NALF1: variants seen among roughly 807,000 people sequenced by gnomAD.
NALF1 encodes the protein NALCN channel auxiliary factor 1, also known as family with sequence similarity 155 member A.
Under a neutral mutation model 48.4 loss-of-function variants are expected in NALF1, and 3 were observed. The ratio of observed to expected loss-of-function variants is 0.06; its 90% confidence interval spans 0.03 to 0.16. NALF1 has a LOEUF of 0.16. Ranked by LOEUF, NALF1 falls within the 10% of genes least tolerant of loss-of-function variation. NALF1 has a pLI of 1.00. For missense variants in NALF1, 526 were observed against 571.5 expected (o/e 0.92, Z 0.81); for synonymous variants, 262 against 245.7 (o/e 1.07, Z -0.62).
chr13:107,167,841 TC>T lies in NALF1; in HGVS notation c.*2655del, dbSNP rs1319882756. The T allele has an allele frequency of 6.6e-6, 1 of 152,202 alleles. No individual in the cohort carries two copies. Among genetic ancestry groups the T allele is most frequent in the East Asian group, 1.9e-4 (1 of 5,182 alleles). The allele number at this position is 152,202 out of a possible 1,614,324, so 9.4% of individuals were successfully genotyped here. A position where few individuals can be genotyped will look rare whatever the true frequency, so the allele number is the denominator to read the frequency against. The stretch of plus-strand genomic sequence containing the variant: ...TTTCCACCTTTTGGTTGGCATTATC[TC>T]CAAACAAACGCTAAAACACGGGTAA... On this transcript the variant is annotated 3_prime_UTR_variant, in exon 3 of 3. Coordinates refer to ENST00000375915, the MANE Select transcript of NALF1 (RefSeq NM_001080396.3).
chr13:107,539,085 A>G (rs1045321215), intron 1 of NALF1, among the ~76,000 whole-genome samples: 2 of 151,444 alleles, frequency 1.3e-5, no homozygotes, highest in Non-Finnish European at 2.9e-5. Flanking sequence ...TTTTTAATAC[A>G]TCACTGGAAT....
intron 1 of NALF1, among the ~76,000 whole-genome samples, chr13:107,718,716 A>C (rs928328625): frequency 3.5e-4 from 53 of 152,198 alleles, no homozygotes; most frequent in Admixed American, 3.1e-3. Flanking sequence ...TTACTCAACA[A>C]ATACTTATTT....
At chr13:107,645,938 T>C (rs1369042630) in intron 1 of NALF1, among the ~76,000 whole-genome samples, 2 of 152,188 alleles carry the variant, frequency 1.3e-5, no homozygotes, top group Non-Finnish European at 2.9e-5. Context: ...ATGCTCGTTC[T>C]GACTCTTGGT....
At chr13:107,783,478 A>G (rs1359162708) in intron 1 of NALF1, among the ~76,000 whole-genome samples, 1 of 152,170 alleles carries the variant, frequency 6.6e-6, no homozygotes, top group African/African-American at 2.4e-5. Flanking sequence ...CTGTGTAGAA[A>G]GAAGTAGACA....
At chr13:107,436,041 A>G (rs867026029) in intron 1 of NALF1, among the ~76,000 whole-genome samples, 12 of 152,182 alleles carry the variant, frequency 7.9e-5, no homozygotes, top group South Asian at 2.1e-4. Context: ...ATCTTTATAA[A>G]ATCACTAGGT....
intron 1 of NALF1, among the ~76,000 whole-genome samples, chr13:107,222,635 T>C (rs528234563): frequency 1.4e-4 from 21 of 152,354 alleles, no homozygotes; most frequent in Non-Finnish European, 2.8e-4. Flanking sequence ...AAATAAATTA[T>C]GTAAATTGTC....
chr13:107,517,562 G>A (rs1349004705), intron 1 of NALF1, among the ~76,000 whole-genome samples: 1 of 152,120 alleles, frequency 6.6e-6, no homozygotes. Context: ...AACCTGGGAG[G>A]CGGAGGTTGC....
chr13:107,804,989 A>G (rs1385076897), intron 1 of NALF1, among the ~76,000 whole-genome samples: 2 of 152,192 alleles, frequency 1.3e-5, no homozygotes, highest in Non-Finnish European at 2.9e-5. Flanking sequence ...ATTGAAGACA[A>G]TAACATGCAT....
At chr13:107,595,181 C>T (rs979840698) in intron 1 of NALF1, among the ~76,000 whole-genome samples, 1 of 152,100 alleles carries the variant, frequency 6.6e-6, no homozygotes, top group African/African-American at 2.4e-5. Context: ...TTTAAATCAA[C>T]ACTTTCAACC....
chr13:107,611,769 A>G, intron 1 of NALF1, among the ~76,000 whole-genome samples: 1 of 151,292 alleles, frequency 6.6e-6, no homozygotes, highest in East Asian at 2.0e-4. Flanking sequence ...AAAGAGAACA[A>G]AAAATTAGCA....
At chr13:107,745,917 T>C (rs750815275) in intron 1 of NALF1, among the ~76,000 whole-genome samples, 2 of 152,174 alleles carry the variant, frequency 1.3e-5, no homozygotes, top group Non-Finnish European at 2.9e-5. Flanking sequence ...TGTGACAATA[T>C]GTCTGGGTTC....
At chr13:107,854,455 G>A (rs894957308) in intron 1 of NALF1, among the ~76,000 whole-genome samples, 7 of 152,326 alleles carry the variant, frequency 4.6e-5, no homozygotes, top group African/African-American at 1.2e-4. Context: ...GGAGATACCC[G>A]ATTTTAAATG....
chr13:107,575,244 G>GA (rs975497230), intron 1 of NALF1, among the ~76,000 whole-genome samples: 2 of 151,934 alleles, frequency 1.3e-5, no homozygotes, highest in African/African-American at 2.4e-5. Flanking sequence ...GAGTTCAGGG[G>GA]AAAAAAACAG....
intron 1 of NALF1, among the ~76,000 whole-genome samples, chr13:107,534,584 G>A (rs774061118): frequency 6.6e-5 from 10 of 152,114 alleles, no homozygotes; most frequent in Non-Finnish European, 1.5e-4. Flanking sequence ...TAAGTATTAA[G>A]CCTGGAATGT....
chr13:107,800,707 A>C (rs1878587068), intron 1 of NALF1, among the ~76,000 whole-genome samples: 1 of 147,656 alleles, frequency 6.8e-6, no homozygotes, highest in African/African-American at 2.5e-5. Flanking sequence ...TATGTATCAT[A>C]TAATACATAT....
intron 1 of NALF1, among the ~76,000 whole-genome samples, chr13:107,655,019 A>G (rs1880540144): frequency 6.6e-6 from 1 of 152,176 alleles, no homozygotes; most frequent in Admixed American, 6.5e-5. Flanking sequence ...AGAGTCATCT[A>G]CGACAAACCC....
chr13:107,182,122 T>C (rs936005934), intron 2 of NALF1, among the ~76,000 whole-genome samples: 15 of 152,330 alleles, frequency 9.8e-5, no homozygotes, highest in African/African-American at 3.6e-4. Flanking sequence ...GTCCCTACTT[T>C]CGTCATCGCC....
intron 1 of NALF1, among the ~76,000 whole-genome samples, chr13:107,732,997 A>G (rs536146145): frequency 2.6e-5 from 4 of 152,176 alleles, no homozygotes; most frequent in Non-Finnish European, 5.9e-5. Context: ...GTGGGTAAAC[A>G]TATTGTGCTA....
chr13:107,531,845 A>G (rs1174806012), intron 1 of NALF1, among the ~76,000 whole-genome samples: 2 of 152,052 alleles, frequency 1.3e-5, no homozygotes, highest in Non-Finnish European at 1.5e-5. Flanking sequence ...CATGTGAAGT[A>G]TTATCTACTG....
Sources: gnomAD v4.1 joint callset for allele counts (sites outside exome capture counted in the v4.1 genomes callset) on GRCh38, gnomAD v4.1.1 for gene constraint, MANE v1.5 for transcripts, NCBI Gene and HGNC (gene_info 2026-07-23, HGNC 2026-07-21) for gene names.